SPAG16: variants seen among roughly 807,000 people sequenced by gnomAD.
SPAG16 encodes the protein sperm associated antigen 16.
A neutral mutation model predicts 80.4 loss-of-function variants in SPAG16; 86 were observed. That is an observed-to-expected ratio of 1.07 (90% CI 0.90 to 1.28). SPAG16 has a LOEUF of 1.28. SPAG16 is among the 50% of genes most tolerant of loss of function. The pLI is 0.00. For synonymous variants in SPAG16, 294 were observed against 265.9 expected, an observed-to-expected ratio of 1.11 and a Z score of -1.03; for missense variants, 870 against 765.3, an observed-to-expected ratio of 1.14 and a Z score of -1.61.
At chr2:214,277,552 G>T (rs113523376) in intron 15 of SPAG16, among the ~76,000 whole-genome samples, 1 of 152,182 alleles carries the variant, frequency 6.6e-6, no homozygotes, top group Admixed American at 6.5e-5. Context: ...TCCCTCAGCT[G>T]CAGGTCTGTT....
chr2:214,080,561 T>C (rs2051328640), intron 13 of SPAG16, among the ~76,000 whole-genome samples: 1 of 145,866 alleles, frequency 6.9e-6, no homozygotes, highest in Admixed American at 6.9e-5. Context: ...TGAGCTGAGA[T>C]CACGCCTCTG....
intron 13 of SPAG16, among the ~76,000 whole-genome samples, chr2:214,054,071 A>G (rs892916071): frequency 9.9e-5 from 15 of 152,002 alleles, no homozygotes; most frequent in Non-Finnish European, 2.1e-4. Flanking sequence ...GGGCAGTGGC[A>G]CAATCTCGGC....
intron 13 of SPAG16, among the ~76,000 whole-genome samples, chr2:214,081,083 G>GTATATGTCCATA (rs2051367383): frequency 6.6e-6 from 1 of 150,928 alleles, no homozygotes; most frequent in South Asian, 2.1e-4. Context: ...CATATATTAT[G>GTATATGTCCATA]TACATAAAAA....
chr2:213,763,315 G>A (rs1193108197), intron 10 of SPAG16, among the ~76,000 whole-genome samples: 1 of 152,126 alleles, frequency 6.6e-6, no homozygotes, highest in Non-Finnish European at 1.5e-5. Flanking sequence ...GGATATTGAA[G>A]AGATATTTGT....
chr2:214,062,346 T>C (rs1263235449), intron 13 of SPAG16, among the ~76,000 whole-genome samples: 1 of 138,396 alleles, frequency 7.2e-6, no homozygotes, highest in Non-Finnish European at 1.5e-5. Context: ...TTGAACCCAG[T>C]AGGCAGAGGT....
At chr2:214,018,894 C>T (rs55973567) in intron 13 of SPAG16, among the ~76,000 whole-genome samples, 61,324 of 151,882 alleles carry the variant, frequency 0.4, 12,746 homozygotes, top group South Asian at 0.69. Flanking sequence ...AGATAATTAA[C>T]GTGGAGGCCT....
chr2:214,069,479 CTA>C (rs879821929), intron 13 of SPAG16, among the ~76,000 whole-genome samples: 3 of 152,164 alleles, frequency 2.0e-5, no homozygotes, highest in African/African-American at 4.8e-5. Flanking sequence ...CTCCCTTAAA[CTA>C]TGAGTCAGGC....
chr2:213,975,720 A>G (rs1309105567), intron 12 of SPAG16, among the ~76,000 whole-genome samples: 1 of 152,078 alleles, frequency 6.6e-6, no homozygotes. Flanking sequence ...AATAGGTGAG[A>G]AAAACTCTGG....
intron 10 of SPAG16, among the ~76,000 whole-genome samples, chr2:213,833,465 T>TTATA (rs202169618): frequency 2.1e-4 from 2 of 9,728 alleles, no homozygotes; most frequent in African/African-American, 6.7e-4. Flanking sequence ...TATATATATA[T>TTATA]TATATATAAT....
At chr2:213,363,936 G>C in intron 7 of SPAG16, 140 bp from the exon 8 acceptor site, 1 of 320,922 alleles carries the variant, frequency 3.1e-6, no homozygotes, top group Non-Finnish European at 5.8e-6. Flanking sequence ...TAAAATTTAT[G>C]TTTTATTAAA....
chr2:214,249,735 T>C (rs1690112547), intron 15 of SPAG16, among the ~76,000 whole-genome samples: 1 of 134,448 alleles, frequency 7.4e-6, no homozygotes, highest in African/African-American at 2.7e-5. Flanking sequence ...CTAGTAGTAG[T>C]AAAAAGTTTA....
intron 10 of SPAG16, among the ~76,000 whole-genome samples, chr2:213,781,684 C>A (rs2069983032): frequency 6.6e-6 from 1 of 152,112 alleles, no homozygotes; most frequent in South Asian, 2.1e-4. Flanking sequence ...TAGGGAAGGA[C>A]TGTGCACTGG....
intron 14 of SPAG16, among the ~76,000 whole-genome samples, chr2:214,142,374 A>T (rs548689195): frequency 6.6e-6 from 1 of 152,166 alleles, no homozygotes; most frequent in African/African-American, 2.4e-5. Context: ...ATTTTAATCT[A>T]TACAGATCAC....
chr2:213,919,267 G>T (rs952364234), intron 11 of SPAG16, among the ~76,000 whole-genome samples: 1 of 151,512 alleles, frequency 6.6e-6, no homozygotes, highest in Non-Finnish European at 1.5e-5. Flanking sequence ...TTTTTCAGTG[G>T]TTTTTTCATA....
At chr2:214,408,310 A>G (rs1011995211) in intron 15 of SPAG16, among the ~76,000 whole-genome samples, 2 of 152,200 alleles carry the variant, frequency 1.3e-5, no homozygotes, top group African/African-American at 4.8e-5. Flanking sequence ...ACTACAAGAA[A>G]AAAAGTTATT....
chr2:213,463,514 C>T (rs187206366), intron 9 of SPAG16, among the ~76,000 whole-genome samples: 1 of 152,228 alleles, frequency 6.6e-6, no homozygotes, highest in Non-Finnish European at 1.5e-5. Flanking sequence ...TGGTGCCCTG[C>T]ATCCAAGCTA....
chr2:213,830,834 G>A (rs988505173), intron 10 of SPAG16, among the ~76,000 whole-genome samples: 3 of 151,808 alleles, frequency 2.0e-5, no homozygotes, highest in Non-Finnish European at 2.9e-5. Context: ...CTATTTTGTT[G>A]ACTGACAAAT....
At chr2:214,174,879 T>C (rs1281445111) in intron 15 of SPAG16, among the ~76,000 whole-genome samples, 2 of 151,652 alleles carry the variant, frequency 1.3e-5, no homozygotes, top group Non-Finnish European at 3.0e-5. Context: ...CCTCAATAAA[T>C]AACCACTTCA....
intron 9 of SPAG16, among the ~76,000 whole-genome samples, chr2:213,406,789 G>A (rs886220803): frequency 1.3e-5 from 2 of 151,984 alleles, no homozygotes; most frequent in Non-Finnish European, 2.9e-5. Context: ...ACAATTTGGG[G>A]TCTCTCCCGG....
Sources: gnomAD v4.1 joint callset for allele counts (sites outside exome capture counted in the v4.1 genomes callset) on GRCh38, gnomAD v4.1.1 for gene constraint, MANE v1.5 for transcripts, NCBI Gene and HGNC (gene_info 2026-07-23, HGNC 2026-07-21) for gene names.